NAA30: variants seen among roughly 807,000 people sequenced by gnomAD.
NAA30 encodes N-alpha-acetyltransferase 30, NatC catalytic subunit.
NAA30 carries 5 observed loss-of-function variants against 31.4 expected under a neutral mutation model. That is an observed-to-expected ratio of 0.16 (90% confidence interval 0.08 to 0.33). The LOEUF is 0.33. Among genes scored for constraint, NAA30 ranks in the 10% least tolerant of loss-of-function variants. The probability of loss-of-function intolerance (pLI) is 1.00; values close to 1 mark genes in which losing one functional copy is unlikely to be tolerated. For synonymous variants in NAA30, 222 were observed against 207.1 expected (o/e 1.07, Z -0.62); for missense variants, 428 against 490.8 (o/e 0.87, Z 1.21).
At position 57,391,184 on chromosome 14, in the gene NAA30, A is replaced by T; in HGVS notation, c.227A>T (p.Gln76Leu). 1 of 1,610,490 alleles carries T rather than the reference A, an allele frequency of 6.2e-7. No homozygotes were observed. The stretch of plus-strand genomic sequence containing the variant: ...GGGCATCCGTGCCTCCGCTGCCCTC[A>T]GCCGCCGCAGGAGCAGCAGCAGCTC... ...AKGHPCLRCP[Q>L]PPQEQQQLNG... The change falls in exon 2 of 5, where the codon CAG becomes CTG. Residue 76 changes from glutamine to leucine, a missense_variant. Transcript: ENST00000556492. The surrounding 1 kb of genome is among the most constrained non-coding windows in gnomAD (Gnocchi z 4.1).
Position 57,409,731 on chromosome 14 carries a change from G to T in NAA30, c.*215G>T. ...GTTTTAAACTTCAGGAGTTCTTTTGGTACCAACAAGATGTGCCAGTTGATA... is the reference window on the plus strand; with the variant it reads ...GTTTTAAACTTCAGGAGTTCTTTTGTTACCAACAAGATGTGCCAGTTGATA... On this transcript the variant is annotated 3_prime_UTR_variant, in exon 5 of 5. Transcript: ENST00000556492. The T allele has an allele frequency of 2.5e-6, 1 of 406,926 alleles. No individual in the cohort carries two copies. Among genetic ancestry groups the T allele is most frequent in the Non-Finnish European group, 4.2e-6 (1 of 236,086 alleles). The allele number at this position is 406,926 out of a possible 1,614,324, so 25.2% of individuals were successfully genotyped here. A position where few individuals can be genotyped will look rare whatever the true frequency, so the allele number is the denominator to read the frequency against.
At chr14:57,402,886 TA>T (rs1294939534) in intron 4 of NAA30, among the ~76,000 whole-genome samples, 1 of 152,218 alleles carries the variant, frequency 6.6e-6, no homozygotes, top group African/African-American at 2.4e-5. Flanking sequence ...AACCTTTTAA[TA>T]GAGGTACATT....
rs1011726670 is a variant in NAA30, at chr14:57,413,928, A to G, written c.*4412A>G. ...GATAGATGTGTCCTTTTCACTCCCC[A>G]GTATGGTAGTTACTAGTCACATGTG... On this transcript the variant is annotated 3_prime_UTR_variant, in exon 5 of 5. Coordinates refer to ENST00000556492, the MANE Select transcript of NAA30 (RefSeq NM_001011713.3). 6.6e-5 allele frequency: 10 copies of G among 152,336 alleles called. No individual in the cohort carries two copies. The highest frequency in any genetic ancestry group is 5.2e-4 in the Admixed American group (8 of 15,298). The allele number at this position is 152,336 out of a possible 1,614,324, so 9.4% of individuals were successfully genotyped here. A position where few individuals can be genotyped will look rare whatever the true frequency, so the allele number is the denominator to read the frequency against.
Position 57,391,087 on chromosome 14 carries a change from G to T in NAA30, c.130G>T (p.Asp44Tyr). The change falls in exon 2 of 5, where the codon GAC (aspartate) becomes TAC (tyrosine). Residue 44 changes from aspartate (D) to tyrosine (Y), a missense_variant. Physicochemically the swap from Asp to Tyr is radical, Grantham distance 160. Around this residue, in one of 2 missense-constraint regions of NAA30, gnomAD observed 349 missense variants for 310.4 expected, o/e 1.12. Transcript: ENST00000556492. The surrounding 1 kb of genome is among the most constrained non-coding windows in gnomAD (Gnocchi z 4.1). Reference protein sequence around the residue: ...ALACCSEDEEDDEEHEGGGSR... With the variant: ...ALACCSEDEEYDEEHEGGGSR... ...CGCCTGCTGCAGCGAGGACGAGGAG[G>T]ACGACGAAGAGCACGAAGGCGGCGG... is the stretch of plus-strand genomic sequence containing the variant. 6.4e-7 allele frequency: 1 copy of T among 1,556,712 alleles called. No individual in the cohort carries two copies.
At chr14:57,406,162 A>AC (rs1487226102) in intron 4 of NAA30, among the ~76,000 whole-genome samples, 3 of 152,134 alleles carry the variant, frequency 2.0e-5, no homozygotes, top group African/African-American at 7.2e-5. Context: ...GAGAATCTTT[A>AC]CATTTTGACT....
At position 57,412,162 on chromosome 14, in the gene NAA30, C is replaced by CTT. The variant is rs574566232; in HGVS notation, c.*2648_*2649dup. The CTT allele has an allele frequency of 3.6e-4, 55 of 152,240 alleles. 1 individual carries two copies. The East Asian group carries it at 0.01, about 28-fold the overall frequency. The allele number at this position is 152,240 out of a possible 1,614,324, so 9.4% of individuals were successfully genotyped here. A position where few individuals can be genotyped will look rare whatever the true frequency, so the allele number is the denominator to read the frequency against. On this transcript the variant is annotated 3_prime_UTR_variant, in exon 5 of 5. Transcript: ENST00000556492. ...TTTCCTGTACATTGGGATGAAACTA[C>CTT]TTTAGCAAAGTCCACAGATCAGAAA...
chr14:57,414,568 A>G lies in NAA30; in HGVS notation c.*5052A>G, dbSNP rs2066539261. 6.6e-6 allele frequency: 1 copy of G among 152,188 alleles called. No homozygotes were observed. Among genetic ancestry groups the G allele is most frequent in the Non-Finnish European group, 1.5e-5 (1 of 68,034 alleles). The allele number at this position is 152,188 out of a possible 1,614,324, so 9.4% of individuals were successfully genotyped here. On this transcript the variant is annotated 3_prime_UTR_variant, in exon 5 of 5. Transcript: ENST00000556492. ...TCTAAATGAGATTGGTCATCTCATGAGTGGTCAAGTTGGAACATGGAGGTC... is the reference window on the plus strand; with the variant it reads ...TCTAAATGAGATTGGTCATCTCATGGGTGGTCAAGTTGGAACATGGAGGTC...
At chr14:57,404,853 T>A (rs981540242) in intron 4 of NAA30, among the ~76,000 whole-genome samples, 6 of 152,132 alleles carry the variant, frequency 3.9e-5, no homozygotes, top group Admixed American at 6.5e-5. Context: ...GCCCCATGAT[T>A]TAGAGACTCC....
In NAA30 at chr14:57,391,174, C is replaced by A. The variant is rs766397098; in HGVS notation, c.217C>A (p.Arg73Ser). 1 of 1,609,516 alleles carries A rather than the reference C, an allele frequency of 6.2e-7. No homozygotes were observed. The highest frequency in any genetic ancestry group is 8.5e-7 in the Non-Finnish European group (1 of 1,179,308). Residue 73 changes from arginine to serine, a missense_variant, in exon 2 of 5, where the codon CGC becomes AGC. Arg to Ser is a moderately radical substitution (Grantham distance 110). Around this residue, in one of 2 missense-constraint regions of NAA30, gnomAD observed 349 missense variants for 310.4 expected, o/e 1.12. Transcript: ENST00000556492. This position sits in a 1 kb window ranked among gnomAD's most constrained non-coding sequence, Gnocchi z 4.1. ...TVAAKGHPCL[R>S]CPQPPQEQQQ... The stretch of plus-strand genomic sequence containing the variant: ...GGCGGCCAAGGGGCATCCGTGCCTC[C>A]GCTGCCCTCAGCCGCCGCAGGAGCA...
At chr14:57,395,860 A>T (rs1274915565) in intron 2 of NAA30, among the ~76,000 whole-genome samples, 1 of 152,206 alleles carries the variant, frequency 6.6e-6, no homozygotes. Flanking sequence ...AATACCTTAT[A>T]AACTGTGCTT....
chr14:57,411,674 A>C lies in NAA30; in HGVS notation c.*2158A>C, dbSNP rs1269254834. 6.6e-6 allele frequency: 1 copy of C among 152,182 alleles called. No individual in the cohort carries two copies. The highest frequency in any genetic ancestry group is 1.5e-5 in the Non-Finnish European group (1 of 68,004). The allele number at this position is 152,182 out of a possible 1,614,324, so 9.4% of individuals were successfully genotyped here. A position where few individuals can be genotyped will look rare whatever the true frequency, so the allele number is the denominator to read the frequency against. ...ACGTTAACTGTGTGACTAAAAAGTCAGATGGTTGCCATATTGTTTGGAATA... is the reference window on the plus strand; with the variant it reads ...ACGTTAACTGTGTGACTAAAAAGTCCGATGGTTGCCATATTGTTTGGAATA... On this transcript the variant is annotated 3_prime_UTR_variant, in exon 5 of 5. Transcript: ENST00000556492.
intron 4 of NAA30, among the ~76,000 whole-genome samples, chr14:57,405,620 G>C (rs529808237): frequency 6.6e-6 from 1 of 152,244 alleles, no homozygotes; most frequent in African/African-American, 2.4e-5. Context: ...TGTGATTGTA[G>C]GCAGGCCATT....
In NAA30 at chr14:57,409,557, G is replaced by C; in HGVS notation, c.*41G>C. 2 of 1,552,238 alleles carry C rather than the reference G, an allele frequency of 1.3e-6. No individual in the cohort carries two copies. Among genetic ancestry groups the C allele is most frequent in the Non-Finnish European group, 1.7e-6 (2 of 1,154,702 alleles). Reference sequence around the variant, plus strand: ...GAACAACTATCATCCGCACAGAATCGACCTTTGCATGCAATGCAATTTGTA... The same window carrying C: ...GAACAACTATCATCCGCACAGAATCCACCTTTGCATGCAATGCAATTTGTA... On this transcript the variant is annotated 3_prime_UTR_variant, in exon 5 of 5. Coordinates refer to ENST00000556492, the MANE Select transcript of NAA30 (RefSeq NM_001011713.3).
At chr14:57,395,699 A>G (rs963071576) in intron 2 of NAA30, among the ~76,000 whole-genome samples, 1 of 152,146 alleles carries the variant, frequency 6.6e-6, no homozygotes, top group African/African-American at 2.4e-5. Flanking sequence ...AATTTCTGTA[A>G]AATTAAAGCT....
intron 4 of NAA30, among the ~76,000 whole-genome samples, chr14:57,403,755 G>A (rs144537672): frequency 4.5e-4 from 68 of 152,264 alleles, no homozygotes; most frequent in African/African-American, 1.6e-3. Context: ...CACAATAGAA[G>A]AAAGAATAAG....
intron 4 of NAA30, among the ~76,000 whole-genome samples, chr14:57,404,831 C>T (rs984766409): frequency 9.2e-5 from 14 of 152,108 alleles, no homozygotes; most frequent in African/African-American, 3.1e-4. Context: ...GAGAACAGCA[C>T]GGGAACGACT....
At chr14:57,393,385 A>T (rs1255033318) in intron 2 of NAA30, among the ~76,000 whole-genome samples, 1 of 152,158 alleles carries the variant, frequency 6.6e-6, no homozygotes, top group Admixed American at 6.5e-5. Context: ...TAGAATTGCG[A>T]TATGCACAAG....
chr14:57,403,691 C>T (rs1027504465), intron 4 of NAA30, among the ~76,000 whole-genome samples: 5 of 152,330 alleles, frequency 3.3e-5, no homozygotes, highest in African/African-American at 1.2e-4. Flanking sequence ...ACCCCCTGCA[C>T]GCTCTGGCTG....
chr14:57,393,673 A>G (rs2066439056), intron 2 of NAA30, among the ~76,000 whole-genome samples: 1 of 152,158 alleles, frequency 6.6e-6, no homozygotes, highest in Admixed American at 6.5e-5. Context: ...AAAAAAGTTA[A>G]GAACCAAAGT....
Sources: allele counts gnomAD v4.1 joint callset (sites outside exome capture counted in the v4.1 genomes callset), GRCh38; gene constraint gnomAD v4.1.1; regional missense constraint gnomAD v4.1.1; non-coding constraint Gnocchi (gnomAD v3.1); transcripts MANE v1.5; gene names NCBI Gene and HGNC (gene_info 2026-07-23, HGNC 2026-07-21).